The following KANTR variants were observed in gnomAD, a reference collection of about 807,000 sequenced individuals.
The protein encoded by KANTR is KDM5C adjacent transcript.
intron 2 of KANTR, among the ~76,000 whole-genome samples, chrX:53,122,184 G>A (rs1933233469): frequency 8.9e-6 from 1 of 111,777 alleles, no homozygotes; most frequent in Non-Finnish European, 1.9e-5. Flanking sequence ...GGGGACTCTT[G>A]CCAGTTGGCT....
intron 2 of KANTR, among the ~76,000 whole-genome samples, chrX:53,107,960 G>A (rs183356097): frequency 9.2e-6 from 1 of 109,269 alleles, no homozygotes; most frequent in East Asian, 2.9e-4. Context: ...GGCGCTCTTG[G>A]CTCATTGCAA....
At chrX:53,102,254 C>T (rs1010885535) in intron 2 of KANTR, among the ~76,000 whole-genome samples, 1 of 111,850 alleles carries the variant, frequency 8.9e-6, no homozygotes, top group African/African-American at 3.3e-5. Flanking sequence ...AACGAAACTA[C>T]AGGGTTTATT....
At chrX:53,110,654 G>A (rs980705370) in intron 2 of KANTR, among the ~76,000 whole-genome samples, 4 of 112,147 alleles carry the variant, frequency 3.6e-5, no homozygotes, top group Admixed American at 2.8e-4. Flanking sequence ...GCCGGGCGCC[G>A]TGGCTCACGC....
At chrX:53,142,731 C>T (rs1381359606), downstream of KANTR, 3 of 422,505 alleles carry the variant, frequency 7.1e-6, no homozygotes, top group African/African-American at 2.4e-5. Flanking sequence ...TGCACATCTG[C>T]TCGCAGTCCA....
At chrX:53,106,296 T>C (rs1178338498) in intron 2 of KANTR, among the ~76,000 whole-genome samples, 2 of 110,868 alleles carry the variant, frequency 1.8e-5, no homozygotes, top group Non-Finnish European at 3.8e-5. Flanking sequence ...CATTTGGTGT[T>C]ATATCCAATA....
At chrX:53,098,069 A>C (rs1556811241) in intron 1 of KANTR, among the ~76,000 whole-genome samples, 3 of 107,333 alleles carry the variant, frequency 2.8e-5, no homozygotes, top group African/African-American at 1.0e-4. Flanking sequence ...AAAAAAAAAA[A>C]AGAAAGAAAG....
chrX:53,113,475 G>A (rs1344165623), intron 2 of KANTR, among the ~76,000 whole-genome samples: 1 of 109,159 alleles, frequency 9.2e-6, no homozygotes, highest in Non-Finnish European at 1.9e-5. Flanking sequence ...TTCTTTGTAA[G>A]CCACTTCATA....
intron 2 of KANTR, among the ~76,000 whole-genome samples, chrX:53,107,749 T>C (rs1030957880): frequency 1.8e-5 from 2 of 110,110 alleles, no homozygotes; most frequent in Non-Finnish European, 3.8e-5. Flanking sequence ...CATGCTTTTA[T>C]CTCAGAGTCA....
chrX:53,095,921 A>ACT (rs1470719051), intron 1 of KANTR, among the ~76,000 whole-genome samples: 12 of 109,804 alleles, frequency 1.1e-4, no homozygotes, highest in African/African-American at 4.0e-4. Flanking sequence ...CCCCTTGCTC[A>ACT]CTCTATCTAC....
chrX:53,131,799 G>T (rs1413512751), downstream of KANTR, among the ~76,000 whole-genome samples: 3 of 111,847 alleles, frequency 2.7e-5, no homozygotes, highest in African/African-American at 9.7e-5. Context: ...AGAAAAAGAA[G>T]CAAAAGGCAT....
At chrX:53,118,121 G>C (rs1288911791) in intron 2 of KANTR, among the ~76,000 whole-genome samples, 2 of 111,283 alleles carry the variant, frequency 1.8e-5, no homozygotes, top group Non-Finnish European at 3.8e-5. Context: ...AGCATTCTTA[G>C]GTGTATCTCC....
chrX:53,101,874 C>T (rs1423852908), intron 2 of KANTR, among the ~76,000 whole-genome samples: 5 of 110,749 alleles, frequency 4.5e-5, no homozygotes, highest in African/African-American at 1.6e-4. Context: ...TGGCGTGCGC[C>T]GCTAGTCCCA....
chrX:53,118,251 A>G (rs1933163593), intron 2 of KANTR, among the ~76,000 whole-genome samples: 1 of 112,210 alleles, frequency 8.9e-6, no homozygotes, highest in African/African-American at 3.2e-5. Context: ...TAACCAATTT[A>G]CACTACTTTC....
intron 2 of KANTR, among the ~76,000 whole-genome samples, chrX:53,102,980 G>GTTTT (rs1932906999): frequency 3.0e-5 from 2 of 66,805 alleles, no homozygotes; most frequent in Non-Finnish European, 2.8e-5. Flanking sequence ...CCCTTGTTTT[G>GTTTT]TTTGTTTTTT....
At chrX:53,142,186 A>T (rs1174415919) in exon 3 of KANTR, 2 of 125,683 alleles carry the variant, frequency 1.6e-5, no homozygotes, top group Admixed American at 1.7e-4. Context: ...AGACATGTAC[A>T]GGGTATTAAA....
intron 2 of KANTR, among the ~76,000 whole-genome samples, chrX:53,109,694 A>G (rs1467919770): frequency 9.1e-6 from 1 of 109,870 alleles, no homozygotes; most frequent in African/African-American, 3.3e-5. Context: ...TGATTTTTGT[A>G]TGTTGATTTT....
intron 2 of KANTR, among the ~76,000 whole-genome samples, chrX:53,136,733 TTG>T (rs1202315194): frequency 1.8e-5 from 1 of 54,230 alleles, no homozygotes; most frequent in African/African-American, 5.5e-5. Flanking sequence ...TATATATATT[TTG>T]TTTGTTTGTT....
intron 2 of KANTR, among the ~76,000 whole-genome samples, chrX:53,116,161 A>G (rs1933119775): frequency 9.0e-6 from 1 of 111,390 alleles, no homozygotes; most frequent in South Asian, 3.8e-4. Context: ...CTGGATTCCT[A>G]GGGGTCACAC....
chrX:53,107,953 G>GCT (rs1932974766), intron 2 of KANTR, among the ~76,000 whole-genome samples: 1 of 108,976 alleles, frequency 9.2e-6, no homozygotes, highest in Non-Finnish European at 1.9e-5. Context: ...GCAGTGGGGC[G>GCT]CTCTTGGCTC....
Sources: allele counts gnomAD v4.1 joint callset (sites outside exome capture counted in the v4.1 genomes callset), GRCh38; gene constraint gnomAD v4.1.1; transcripts MANE v1.5; gene names NCBI Gene and HGNC (gene_info 2026-07-23, HGNC 2026-07-21).